Variants in CAST observed in about 807,000 individuals in gnomAD.
CAST encodes calpastatin.
A neutral mutation model predicts 119.6 loss-of-function variants in CAST; 76 were observed. The observed-to-expected ratio is 0.64, with a 90% CI of 0.53 to 0.77. CAST has a LOEUF of 0.77. Among genes scored for constraint, CAST ranks in the 30% least tolerant of loss-of-function variants. The probability of loss-of-function intolerance (pLI) is 0.00; values close to 1 mark genes in which losing one functional copy is unlikely to be tolerated. For missense variants in CAST, 953 were observed against 946.5 expected (o/e 1.01, Z -0.09); for synonymous variants, 319 against 331.6 (o/e 0.96, Z 0.41).
the CAST span, chr5:96,416,204 G>A: frequency 7.5e-5 from 70 of 931,320 alleles, no homozygotes; most frequent in South Asian, 9.2e-4. Flanking sequence ...TGGGGCATAG[G>A]TATATTAACT....
the CAST span, among the ~76,000 whole-genome samples, chr5:96,313,202 A>G: frequency 1.3e-5 from 2 of 152,166 alleles, no homozygotes; most frequent in South Asian, 2.1e-4. Flanking sequence ...GTTTTAAGAT[A>G]TAATTTATAT....
chr5:96,130,231 G>T, the CAST span, among the ~76,000 whole-genome samples: 1 of 151,622 alleles, frequency 6.6e-6, no homozygotes, highest in African/African-American at 2.4e-5. Context: ...AATTAAAATA[G>T]CACTTCCCAT....
the CAST span, among the ~76,000 whole-genome samples, chr5:96,350,302 C>G: frequency 6.6e-6 from 1 of 152,120 alleles, no homozygotes; most frequent in Non-Finnish European, 1.5e-5. Flanking sequence ...ACCAAATACA[C>G]AATTTACGTA....
At chr5:96,129,480 G>A in the CAST span, among the ~76,000 whole-genome samples, 1 of 152,042 alleles carries the variant, frequency 6.6e-6, no homozygotes, top group Non-Finnish European at 1.5e-5. Flanking sequence ...GGCTGATGCT[G>A]CACCAGGTAA....
At position 96,675,523 on chromosome 5, in the gene CAST, T is replaced by G. The variant is rs780461725; in HGVS notation, c.76-16T>G. On this transcript the variant is annotated splice_polypyrimidine_tract_variant and intron_variant, in intron 1 of 31. Coordinates refer to ENST00000675179, the MANE Select transcript of CAST (RefSeq NM_001750.7). Reference sequence around the variant, plus strand: ...TCATCTTCCTTTATTAAGCATTATTTTTTACTTTTTTATAGCATGTCAGTG... The same window carrying G: ...TCATCTTCCTTTATTAAGCATTATTGTTTACTTTTTTATAGCATGTCAGTG... 11 of 1,588,426 alleles carry G rather than the reference T, an allele frequency of 6.9e-6. No individual in the cohort carries two copies. Among genetic ancestry groups the G allele is most frequent in the Non-Finnish European group, 9.5e-6 (11 of 1,157,212 alleles).
At chr5:96,183,466 A>T in the CAST span, among the ~76,000 whole-genome samples, 2 of 152,164 alleles carry the variant, frequency 1.3e-5, no homozygotes, top group African/African-American at 4.8e-5. Context: ...AGATCTTAAG[A>T]AAAAGAGATC....
chr5:96,018,526 A>G, the CAST span, among the ~76,000 whole-genome samples: 11 of 152,252 alleles, frequency 7.2e-5, no homozygotes, highest in African/African-American at 2.4e-4. Flanking sequence ...GAAATTAAAT[A>G]AAAATTGTTG....
the CAST span, among the ~76,000 whole-genome samples, chr5:96,190,594 CT>C: frequency 6.6e-6 from 1 of 152,124 alleles, no homozygotes; most frequent in Non-Finnish European, 1.5e-5. Flanking sequence ...CTTCTTTTTG[CT>C]GTTAAGGCCT....
chr5:96,081,730 G>A, the CAST span, among the ~76,000 whole-genome samples: 3 of 152,092 alleles, frequency 2.0e-5, no homozygotes, highest in South Asian at 6.2e-4. Context: ...TTACAGCCTG[G>A]AGAAATGGAA....
chr5:96,364,874 T>A, the CAST span, among the ~76,000 whole-genome samples: 2 of 152,210 alleles, frequency 1.3e-5, no homozygotes, highest in Non-Finnish European at 2.9e-5. Flanking sequence ...AGCTTTTGAA[T>A]GTGTTTGCTC....
the CAST span, among the ~76,000 whole-genome samples, chr5:96,285,908 T>G: frequency 6.6e-6 from 1 of 152,244 alleles, no homozygotes; most frequent in African/African-American, 2.4e-5. Context: ...TTCTCAAACA[T>G]TTATGAATGT....
upstream of CAST, among the ~76,000 whole-genome samples, chr5:96,521,885 G>A (rs1036391392): frequency 1.3e-5 from 2 of 152,162 alleles, no homozygotes; most frequent in Non-Finnish European, 1.5e-5. Context: ...TTGGGAGGCC[G>A]AGGCAGGCAG....
the CAST span, among the ~76,000 whole-genome samples, chr5:96,363,893 G>T: frequency 3.3e-5 from 5 of 152,236 alleles, no homozygotes; most frequent in African/African-American, 1.2e-4. Context: ...TTGAGAGAGG[G>T]CATCCCTGTC....
At chr5:96,526,358 G>C (rs1211420254), upstream of CAST, among the ~76,000 whole-genome samples, 2 of 152,032 alleles carry the variant, frequency 1.3e-5, no homozygotes, top group African/African-American at 4.8e-5. Context: ...AGGTAGGAAA[G>C]GTATGGTGAA....
rs1381911566 is a variant in CAST at position 96,695,888 on chromosome 5, G to C, written c.191G>C (p.Gly64Ala). Reference protein sequence around the residue: ...SSQSSRTYAGGTASATKVSAS... With the variant: ...SSQSSRTYAGATASATKVSAS... ...CAATCCTCCAGAACCTATGCTGGTG[G>C]AACAGCCTCGGCCACCAAGGTCAGT... The change falls in exon 3 of 32, where the codon GGA becomes GCA. Residue 64 changes from glycine to alanine, a missense_variant. Transcript: ENST00000675179. 1.9e-6 allele frequency: 3 copies of C among 1,612,660 alleles called. No homozygotes were observed. The African/African-American group carries it at 4.0e-5, about 22-fold the overall frequency.
At chr5:96,200,618 T>C in the CAST span, among the ~76,000 whole-genome samples, 40 of 152,288 alleles carry the variant, frequency 2.6e-4, no homozygotes, top group African/African-American at 8.9e-4. Context: ...ACCTGTTAAT[T>C]GAACACAAAT....
chr5:96,219,704 A>AGGAG, the CAST span, among the ~76,000 whole-genome samples: 1 of 151,370 alleles, frequency 6.6e-6, no homozygotes, highest in Non-Finnish European at 1.5e-5. Flanking sequence ...AAGGAAGGAA[A>AGGAG]GGAGGGAGGG....
At chr5:96,403,835 G>T in the CAST span, among the ~76,000 whole-genome samples, 1 of 152,060 alleles carries the variant, frequency 6.6e-6, no homozygotes, top group African/African-American at 2.4e-5. Flanking sequence ...AGACTTTTTT[G>T]TTGTGATTTT....
At chr5:96,666,943 T>G (rs1749418587) in intron 1 of CAST, among the ~76,000 whole-genome samples, 1 of 152,190 alleles carries the variant, frequency 6.6e-6, no homozygotes, top group Admixed American at 6.5e-5. Flanking sequence ...CCTTGAGGTA[T>G]TTTTAAGATG....
Sources: gnomAD v4.1 joint callset for allele counts (sites outside exome capture counted in the v4.1 genomes callset) on GRCh38, gnomAD v4.1.1 for gene constraint, MANE v1.5 for transcripts, NCBI Gene and HGNC (gene_info 2026-07-23, HGNC 2026-07-21) for gene names.